The following SLC36A1 variants were observed in gnomAD, a reference collection of about 807,000 sequenced individuals.
The protein encoded by SLC36A1 is solute carrier family 36 member 1.
SLC36A1 carries 30 observed loss-of-function variants against 47.5 expected under a neutral mutation model. The observed-to-expected ratio is 0.63, with a 90% CI of 0.47 to 0.86. SLC36A1 has a LOEUF of 0.86. Among genes scored for constraint, SLC36A1 ranks in the 40% least tolerant of loss-of-function variants. The pLI is 0.00. For missense variants in SLC36A1, 517 were observed against 606.0 expected, an observed-to-expected ratio of 0.85 and a Z score of 1.54; for synonymous variants, 255 against 249.7, an observed-to-expected ratio of 1.02 and a Z score of -0.20.
the SLC36A1 span, among the ~76,000 whole-genome samples, chr5:151,393,128 G>A: frequency 1.3e-5 from 2 of 151,632 alleles, no homozygotes; most frequent in South Asian, 4.2e-4. Flanking sequence ...AGCTCTTCTT[G>A]TTGAATTGAT....
the SLC36A1 span, chr5:151,521,676 G>A: frequency 5.6e-6 from 9 of 1,614,014 alleles, no homozygotes; most frequent in East Asian, 1.8e-4. Context: ...GCTCCTCGGG[G>A]GTGAGCTGGT....
At chr5:151,439,226 A>G (rs777590796) in intron 1 of SLC36A1, among the ~76,000 whole-genome samples, 6 of 152,172 alleles carry the variant, frequency 3.9e-5, no homozygotes, top group Admixed American at 1.3e-4. Flanking sequence ...TAATGATCCA[A>G]TCACTTGCCA....
the SLC36A1 span, among the ~76,000 whole-genome samples, chr5:151,376,297 T>C: frequency 1.3e-5 from 2 of 152,268 alleles, no homozygotes; most frequent in African/African-American, 4.8e-5. Flanking sequence ...AAATCACAGT[T>C]ATTGATTAGA....
the SLC36A1 span, chr5:151,543,065 A>G: frequency 1.2e-6 from 2 of 1,614,178 alleles, no homozygotes; most frequent in Non-Finnish European, 1.7e-6. Context: ...AATTTCGGTA[A>G]GGATACTTTT....
chr5:151,521,249 C>A, the SLC36A1 span: 3 of 1,568,862 alleles, frequency 1.9e-6, no homozygotes, highest in South Asian at 3.6e-5. Context: ...CAGTGCTGCT[C>A]GTCCCTAGGG....
the SLC36A1 span, chr5:151,347,559 T>C: frequency 6.8e-7 from 1 of 1,479,346 alleles, no homozygotes; most frequent in Non-Finnish European, 9.3e-7. Flanking sequence ...CCCAGCACAG[T>C]GGTGTGTGCC....
chr5:151,521,775 A>G, the SLC36A1 span: 3 of 1,614,128 alleles, frequency 1.9e-6, no homozygotes, highest in South Asian at 3.3e-5. Flanking sequence ...TGAAGGTCCC[A>G]TCGCTGACCG....
At chr5:151,456,283 A>G (rs1394772987) in intron 1 of SLC36A1, among the ~76,000 whole-genome samples, 1 of 152,178 alleles carries the variant, frequency 6.6e-6, no homozygotes, top group Non-Finnish European at 1.5e-5. Flanking sequence ...TGCTGGGATT[A>G]CAGGTGTGAG....
chr5:151,406,440 C>T, the SLC36A1 span: 1 of 152,244 alleles, frequency 6.6e-6, no homozygotes, highest in South Asian at 2.1e-4. Context: ...GATGGGGGCA[C>T]TCATTCTATC....
the SLC36A1 span, among the ~76,000 whole-genome samples, chr5:151,399,084 A>ATATATTTTT: frequency 3.3e-5 from 2 of 60,068 alleles, no homozygotes; most frequent in African/African-American, 1.1e-4. Flanking sequence ...ATATATATAT[A>ATATATTTTT]TTTTTTTTTT....
At chr5:151,515,989 C>T in the SLC36A1 span, among the ~76,000 whole-genome samples, 1 of 152,200 alleles carries the variant, frequency 6.6e-6, no homozygotes, top group African/African-American at 2.4e-5. Flanking sequence ...CCAACTCCTC[C>T]TCCTACTGTT....
At chr5:151,421,285 A>G in the SLC36A1 span, among the ~76,000 whole-genome samples, 2 of 143,458 alleles carry the variant, frequency 1.4e-5, no homozygotes, top group Non-Finnish European at 3.0e-5. Flanking sequence ...TCTGTTGCCC[A>G]GGCTGGAGTG....
chr5:151,528,073 C>T, the SLC36A1 span: 1 of 1,614,264 alleles, frequency 6.2e-7, no homozygotes, highest in Non-Finnish European at 8.5e-7. Context: ...AGCTGGTTCC[C>T]TCCTATGAGG....
At chr5:151,407,315 G>A in the SLC36A1 span, among the ~76,000 whole-genome samples, 32 of 152,240 alleles carry the variant, frequency 2.1e-4, no homozygotes, top group African/African-American at 4.8e-4. Context: ...TGATTGGTGC[G>A]TTTACAAACC....
the SLC36A1 span, chr5:151,378,070 C>A: frequency 3.0e-6 from 1 of 338,730 alleles, no homozygotes; most frequent in Non-Finnish European, 5.8e-6. Flanking sequence ...ATGTGATCTT[C>A]ACTAAGAAGG....
At chr5:151,531,610 C>T in the SLC36A1 span, 1 of 1,612,964 alleles carries the variant, frequency 6.2e-7, no homozygotes, top group Non-Finnish European at 8.5e-7. This position sits in a 1 kb window ranked among gnomAD's most constrained non-coding sequence, Gnocchi z 5.7. Context: ...CAGGCGGAAC[C>T]TGCCTTGCTC....
chr5:151,545,730 C>G, the SLC36A1 span: 3 of 1,613,920 alleles, frequency 1.9e-6, no homozygotes, highest in Non-Finnish European at 2.5e-6. Context: ...TATAGACCAA[C>G]AAGGAATTAG....
chr5:151,507,616 G>A, the SLC36A1 span: 30 of 1,491,284 alleles, frequency 2.0e-5, no homozygotes, highest in Middle Eastern at 1.7e-4. Context: ...TCACACCTGC[G>A]GAGACAGAGT....
In SLC36A1 at chr5:151,467,892, C is replaced by G; in HGVS notation, c.690C>G (p.Val230=). The G allele has an allele frequency of 6.2e-7, 1 of 1,613,804 alleles. No individual in the cohort carries two copies. Among genetic ancestry groups the G allele is most frequent in the Non-Finnish European group, 8.5e-7 (1 of 1,179,964 alleles). ...FSLLANITML[V]SLVMIYQFIV... is the part of the protein sequence containing the mutation. ...TGTTGGCCAACATCACCATGCTGGT[C>G]AGCTTGGTCATGATCTACCAGTTCA... The change falls in exon 7 of 11, where the codon GTC becomes GTG. Residue 230 remains valine, a synonymous_variant. Coordinates refer to ENST00000243389, the MANE Select transcript of SLC36A1 (RefSeq NM_078483.4).
Sources: gnomAD v4.1 joint callset for allele counts (sites outside exome capture counted in the v4.1 genomes callset) on GRCh38, gnomAD v4.1.1 for gene constraint, Gnocchi (gnomAD v3.1) non-coding constraint, MANE v1.5 for transcripts, NCBI Gene and HGNC (gene_info 2026-07-23, HGNC 2026-07-21) for gene names.